CPA6: variants seen among roughly 807,000 people sequenced by gnomAD.
CPA6 encodes carboxypeptidase A6.
Under a neutral mutation model 63.3 loss-of-function variants are expected in CPA6, and 58 were observed. That is an observed-to-expected ratio of 0.92 (90% CI 0.74 to 1.14). CPA6 has a LOEUF of 1.14. CPA6 is among the 50% of genes most tolerant of loss of function. The pLI, the probability that CPA6 is intolerant of heterozygous loss-of-function variation, is 0.00. For synonymous variants in CPA6, 185 were observed against 179.0 expected (o/e 1.03, Z -0.27); for missense variants, 565 against 526.6 (o/e 1.07, Z -0.71).
chr8:67,671,042 G>A (rs1187626241), intron 1 of CPA6, among the ~76,000 whole-genome samples: 1 of 152,176 alleles, frequency 6.6e-6, no homozygotes, highest in Non-Finnish European at 1.5e-5. Context: ...GGTATCTTCA[G>A]TTTCATTTGG....
intron 1 of CPA6, among the ~76,000 whole-genome samples, chr8:67,701,889 C>A (rs150387216): frequency 5.1e-4 from 78 of 152,256 alleles, no homozygotes; most frequent in African/African-American, 1.6e-3. Flanking sequence ...TAACTGCAGT[C>A]GCTTACAATT....
intron 8 of CPA6, among the ~76,000 whole-genome samples, chr8:67,476,558 T>G (rs1159617826): frequency 6.6e-6 from 1 of 151,854 alleles, no homozygotes; most frequent in East Asian, 1.9e-4. Flanking sequence ...TCTCTCTTTT[T>G]TTTTTTTTGT....
chr8:67,618,864 T>C (rs1815015897), intron 2 of CPA6, among the ~76,000 whole-genome samples: 1 of 152,180 alleles, frequency 6.6e-6, no homozygotes, highest in Admixed American at 6.5e-5. Context: ...CTGCAGACTG[T>C]TCCCATTCCA....
At chr8:67,642,191 G>A (rs960390085) in intron 1 of CPA6, among the ~76,000 whole-genome samples, 2 of 151,948 alleles carry the variant, frequency 1.3e-5, no homozygotes, top group African/African-American at 4.8e-5. Context: ...GGTGGCGGGC[G>A]CCTGTAATCC....
chr8:67,431,910 C>A (rs941813959), intron 9 of CPA6, among the ~76,000 whole-genome samples: 6 of 152,098 alleles, frequency 3.9e-5, no homozygotes, highest in African/African-American at 7.2e-5. Context: ...AAGCCCCAAG[C>A]AATTGGTGCA....
intron 2 of CPA6, among the ~76,000 whole-genome samples, chr8:67,527,534 ACTAC>A (rs1812390210): frequency 6.6e-6 from 1 of 152,192 alleles, no homozygotes; most frequent in Admixed American, 6.5e-5. Context: ...GTTGAACTGA[ACTAC>A]CTGATTCCCA....
intron 1 of CPA6, among the ~76,000 whole-genome samples, chr8:67,707,556 T>G (rs1817163496): frequency 1.3e-5 from 2 of 152,158 alleles, no homozygotes; most frequent in Admixed American, 1.3e-4. Flanking sequence ...TAGGACACAA[T>G]TAGAGAAACT....
intron 1 of CPA6, among the ~76,000 whole-genome samples, chr8:67,677,013 T>C (rs1230087430): frequency 2.0e-5 from 3 of 152,206 alleles, no homozygotes; most frequent in African/African-American, 7.2e-5. Flanking sequence ...TGTGTATGCA[T>C]GCTAGCAGGA....
chr8:67,667,575 T>C (rs1370261933), intron 1 of CPA6, among the ~76,000 whole-genome samples: 2 of 152,136 alleles, frequency 1.3e-5, no homozygotes, highest in African/African-American at 4.8e-5. Flanking sequence ...TCTCATTTCC[T>C]CTGATTTTGC....
At chr8:67,440,722 A>T (rs1182974982) in intron 8 of CPA6, among the ~76,000 whole-genome samples, 1 of 152,170 alleles carries the variant, frequency 6.6e-6, no homozygotes, top group African/African-American at 2.4e-5. Flanking sequence ...ATTCTACTAG[A>T]TACTATAGGC....
chr8:67,552,714 A>T (rs549641395), intron 2 of CPA6, among the ~76,000 whole-genome samples: 292 of 141,228 alleles, frequency 2.1e-3, no homozygotes, highest in African/African-American at 7.3e-3. Flanking sequence ...CAGAGCTTGC[A>T]TGCAGTGAAC....
At chr8:67,448,656 G>GAAAAAA (rs1810485855) in intron 8 of CPA6, among the ~76,000 whole-genome samples, 1 of 68,794 alleles carries the variant, frequency 1.5e-5, no homozygotes, top group African/African-American at 8.9e-5. Context: ...AAAAAAAAAG[G>GAAAAAA]AAAGAACGAA....
chr8:67,663,006 T>C (rs1816150815), intron 1 of CPA6, among the ~76,000 whole-genome samples: 1 of 152,104 alleles, frequency 6.6e-6, no homozygotes, highest in Non-Finnish European at 1.5e-5. Flanking sequence ...CAAGTGAGGC[T>C]GCGGGCCACT....
chr8:67,511,447 C>T, intron 4 of CPA6, 94 bp downstream of exon 4: 1 of 734,886 alleles, frequency 1.4e-6, no homozygotes, highest in Non-Finnish European at 2.4e-6. Context: ...TATGCTTCTC[C>T]CCTAGAAGCA....
chr8:67,626,475 T>C (rs548331853), intron 1 of CPA6, among the ~76,000 whole-genome samples: 1 of 152,342 alleles, frequency 6.6e-6, no homozygotes, highest in South Asian at 2.1e-4. Flanking sequence ...AGCTTTGATT[T>C]CCTCAAAATC....
chr8:67,591,197 G>A (rs2128981005), intron 2 of CPA6, among the ~76,000 whole-genome samples: 2 of 152,274 alleles, frequency 1.3e-5, no homozygotes, highest in Admixed American at 1.3e-4. Context: ...GATGGTTGTA[G>A]ATATGCGGCA....
intron 1 of CPA6, among the ~76,000 whole-genome samples, chr8:67,628,059 A>G (rs1056143484): frequency 5.9e-5 from 9 of 152,040 alleles, no homozygotes; most frequent in Non-Finnish European, 1.2e-4. Context: ...CTAAAAATAC[A>G]AAAATTAGCT....
At chr8:67,427,094 G>T (rs1156756952) in intron 10 of CPA6, among the ~76,000 whole-genome samples, 1 of 152,170 alleles carries the variant, frequency 6.6e-6, no homozygotes. Flanking sequence ...GTTTCTTCCT[G>T]CATGCAGCAA....
intron 1 of CPA6, among the ~76,000 whole-genome samples, chr8:67,662,525 A>G (rs1429427735): frequency 6.8e-6 from 1 of 146,810 alleles, no homozygotes; most frequent in Non-Finnish European, 1.5e-5. Flanking sequence ...ATACACACGT[A>G]TATGTATATA....
Sources: gnomAD v4.1 joint callset for allele counts (sites outside exome capture counted in the v4.1 genomes callset) on GRCh38, gnomAD v4.1.1 for gene constraint, MANE v1.5 for transcripts, NCBI Gene and HGNC (gene_info 2026-07-23, HGNC 2026-07-21) for gene names.